ZNF587B: variants seen among roughly 807,000 people sequenced by gnomAD.
ZNF587B encodes the protein zinc finger protein 587B.
In ZNF587B, 6 loss-of-function variants were observed where a neutral mutation model predicts 7.2. That is an observed-to-expected ratio of 0.83 (90% CI 0.46 to 1.65). The LOEUF is 1.65. ZNF587B is among the 40% of genes most tolerant of loss of function. The pLI, the probability that ZNF587B is intolerant of heterozygous loss-of-function variation, is 0.01. For missense variants in ZNF587B, 749 were observed against 761.0 expected (o/e 0.98, Z 0.19); for synonymous variants, 274 against 254.3 (o/e 1.08, Z -0.74).
rs1364080124 is a variant in ZNF587B at position 57,843,120 on chromosome 19, A to T, written c.*544A>T. 1.7e-6 allele frequency: 1 copy of T among 592,276 alleles called. No individual in the cohort carries two copies. The highest frequency in any genetic ancestry group is 2.1e-6 in the Non-Finnish European group (1 of 471,308). The allele number at this position is 592,276 out of a possible 1,614,324, so 36.7% of individuals were successfully genotyped here. On this transcript the variant is annotated 3_prime_UTR_variant, in exon 3 of 3. Coordinates refer to ENST00000594901, the MANE Select transcript of ZNF587B (RefSeq NM_001376223.1). ...AAGTGATCTTCCCACCTTAGCCTCC[A>T]TGTAGCTGGGTCCACAGGCATGCAC... is the stretch of plus-strand genomic sequence containing the variant.
rs1033767624 is a variant in ZNF587B, at chr19:57,844,930, C to G, written c.*2354C>G. On this transcript the variant is annotated 3_prime_UTR_variant, in exon 3 of 3. Transcript: ENST00000594901. Reference sequence around the variant, plus strand: ...TTATAATTTTATGGTTACTTAGTTACTGCATTTATAGTCAGCAGAGGGGAC... The same window carrying G: ...TTATAATTTTATGGTTACTTAGTTAGTGCATTTATAGTCAGCAGAGGGGAC... 1 of 151,912 alleles carries G rather than the reference C, an allele frequency of 6.6e-6. No homozygotes were observed. The highest frequency in any genetic ancestry group is 1.5e-5 in the Non-Finnish European group (1 of 68,008). The allele number at this position is 151,912 out of a possible 1,614,324, so 9.4% of individuals were successfully genotyped here. A position where few individuals can be genotyped will look rare whatever the true frequency, so the allele number is the denominator to read the frequency against.
In ZNF587B at chr19:57,843,439, G is replaced by T. The variant is rs189404579; in HGVS notation, c.*863G>T. The stretch of plus-strand genomic sequence containing the variant: ...GACTTATGTGACTGCCACTTATCTG[G>T]CAAAAGCCATTACATCTCAGCTACT... On this transcript the variant is annotated 3_prime_UTR_variant, in exon 3 of 3. Transcript: ENST00000594901. 1.1e-4 allele frequency: 104 copies of T among 985,186 alleles called. 2 individuals carry two copies. The East Asian group carries it at 9.8e-3, about 93-fold the overall frequency. The allele number at this position is 985,186 out of a possible 1,614,324, so 61.0% of individuals were successfully genotyped here. A position where few individuals can be genotyped will look rare whatever the true frequency, so the allele number is the denominator to read the frequency against.
intron 1 of ZNF587B, among the ~76,000 whole-genome samples, chr19:57,837,253 T>C (rs1988652378): frequency 6.6e-6 from 1 of 151,614 alleles, no homozygotes; most frequent in Admixed American, 6.6e-5. Context: ...TGTTAATATA[T>C]GTGATACCTT....
Position 57,843,025 on chromosome 19 carries a change from T to G in ZNF587B, c.*449T>G. The G allele has an allele frequency of 2.1e-6, 2 of 957,530 alleles. No homozygotes were observed. Among genetic ancestry groups the G allele is most frequent in the South Asian group, 4.8e-5 (1 of 20,698 alleles). 59.3% of individuals were successfully genotyped at this position (957,530 alleles called of 1,614,324 possible). A position where few individuals can be genotyped will look rare whatever the true frequency, so the allele number is the denominator to read the frequency against. ...TTTTCCTTTTTTTGGAGAGACGGTC[T>G]CACTCCATCACCCATGCTGGTGTGC... On this transcript the variant is annotated 3_prime_UTR_variant, in exon 3 of 3. Transcript: ENST00000594901.
intron 1 of ZNF587B, among the ~76,000 whole-genome samples, chr19:57,837,982 C>T (rs1320792704): frequency 6.6e-6 from 1 of 152,020 alleles, no homozygotes; most frequent in East Asian, 1.9e-4. Flanking sequence ...AGATTTCAAC[C>T]CACACTAGTA....
At chr19:57,839,219 G>A (rs1374037791) in intron 2 of ZNF587B, 70 bp downstream of exon 2, 14 of 1,592,130 alleles carry the variant, frequency 8.8e-6, no homozygotes, top group Admixed American at 7.0e-5. Flanking sequence ...CCATTGGCAA[G>A]ACTTTCTCAT....
At chr19:57,837,642 G>T (rs889122268) in intron 1 of ZNF587B, among the ~76,000 whole-genome samples, 1 of 152,008 alleles carries the variant, frequency 6.6e-6, no homozygotes, top group African/African-American at 2.4e-5. Flanking sequence ...TAGAGACGGG[G>T]TTTCACCGTG....
rs1304573855 is a variant in ZNF587B, at chr19:57,843,667, T to A, written c.*1091T>A. On this transcript the variant is annotated 3_prime_UTR_variant, in exon 3 of 3. Transcript: ENST00000594901. ...CCGATACTGGAGTGCAGTGGTGTGA[T>A]CCTGGTTCATTGCAACCTCTGCCTC... 2.8e-6 allele frequency: 2 copies of A among 722,078 alleles called. No individual in the cohort carries two copies. The highest frequency in any genetic ancestry group is 4.0e-5 in the African/African-American group (2 of 49,994). The allele number at this position is 722,078 out of a possible 1,614,324, so 44.7% of individuals were successfully genotyped here. A position where few individuals can be genotyped will look rare whatever the true frequency, so the allele number is the denominator to read the frequency against.
In ZNF587B at chr19:57,844,360, G is replaced by A. The variant is rs762773514; in HGVS notation, c.*1784G>A. 9.3e-5 allele frequency: 26 copies of A among 280,328 alleles called. No individual in the cohort carries two copies. Among genetic ancestry groups the A allele is most frequent in the South Asian group, 6.0e-4 (23 of 38,354 alleles). 17.4% of individuals were successfully genotyped at this position (280,328 alleles called of 1,614,324 possible). On this transcript the variant is annotated 3_prime_UTR_variant, in exon 3 of 3. Transcript: ENST00000594901. ...TCTTCTAAAAATATAAAAATTAGCC[G>A]GGCATGGTGGCGCACCTGTAGCCGC...
In ZNF587B at chr19:57,842,539, G is replaced by A. The variant is rs759087748; in HGVS notation, c.1865G>A (p.Arg622His). 83 of 1,543,702 alleles carry A rather than the reference G, an allele frequency of 5.4e-5. No individual in the cohort carries two copies. In the African/African-American group the frequency reaches 7.5e-4, roughly 14 times the overall value. ...EKKFRKSSSLRYHQRVHERKA... is the reference protein window; with the variant it reads ...EKKFRKSSSLHYHQRVHERKA... ...AAATTTAGGAAAAGCTCTTCACTTCGTTACCATCAGAGAGTTCATGAAAGA... is the reference window on the plus strand; with the variant it reads ...AAATTTAGGAAAAGCTCTTCACTTCATTACCATCAGAGAGTTCATGAAAGA... The change falls in exon 3 of 3, where the codon CGT becomes CAT. Residue 622 changes from arginine (R) to histidine (H), a missense_variant. By Grantham distance (29) the Arg-to-His change is conservative. Transcript: ENST00000594901.
In ZNF587B at chr19:57,839,169, C is replaced by G. The variant is rs1483948119; in HGVS notation, c.163+20C>G. The G allele has an allele frequency of 1.9e-6, 3 of 1,613,698 alleles. No individual in the cohort carries two copies. Among genetic ancestry groups the G allele is most frequent in the Non-Finnish European group, 2.5e-6 (3 of 1,179,768 alleles). On this transcript the variant is annotated intron_variant, in intron 2 of 2. Transcript: ENST00000594901. ...CCCTGGGTAAGTTGCTCACACTCAC[C>G]CTGTGACTTGAGCTAGTCTCTGTTT...
rs1988325523 is a variant in ZNF587B, at chr19:57,830,370, AG to A, written c.-157del. On this transcript the variant is annotated 5_prime_UTR_variant, in exon 1 of 3. Transcript: ENST00000594901. ...CGGCACTGCGGTGACTGAACCCAGA[AG>A]GCGGAGAACAGTTGTCCTCTGCTGC... 1.0e-5 allele frequency: 7 copies of A among 697,742 alleles called. No individual in the cohort carries two copies. Among genetic ancestry groups the A allele is most frequent in the South Asian group, 5.7e-5 (3 of 52,814 alleles). 43.2% of individuals were successfully genotyped at this position (697,742 alleles called of 1,614,324 possible).
rs61730196 is a variant in ZNF587B, at chr19:57,842,237, A to T, written c.1563A>T (p.Pro521=). 0.016 allele frequency: 25,243 copies of T among 1,613,468 alleles called. 504 individuals carry two copies. The highest frequency in any genetic ancestry group is 0.095 in the African/African-American group (7,133 of 74,994). ...AGAGAGTTCACACTGGAGAAAGGCC[A>T]TATGAATGCAGTGATTGTGGGAAGT... ...AHQRVHTGER[P]YECSDCGKSF... The change falls in exon 3 of 3, where the codon CCA becomes CCT. Residue 521 remains proline, a synonymous_variant. Transcript: ENST00000594901.
At chr19:57,838,689 A>G (rs1205022128) in intron 1 of ZNF587B, among the ~76,000 whole-genome samples, 3 of 152,140 alleles carry the variant, frequency 2.0e-5, no homozygotes, top group Non-Finnish European at 2.9e-5. Flanking sequence ...GGGGATGGAC[A>G]TGGAATGTAC....
In ZNF587B at chr19:57,841,708, A is replaced by G; in HGVS notation, c.1034A>G (p.Gln345Arg). The G allele has an allele frequency of 6.2e-7, 1 of 1,607,234 alleles. No homozygotes were observed. Among genetic ancestry groups the G allele is most frequent in the African/African-American group, 1.3e-5 (1 of 74,890 alleles). The change falls in exon 3 of 3, where the codon CAG (glutamine) becomes CGG (arginine). Residue 345 changes from glutamine (Q) to arginine (R), a missense_variant. By Grantham distance (43) the Gln-to-Arg change is conservative. Transcript: ENST00000594901. ...FSSNVNLKSHQRIHTGERPYK... is the reference protein window; with the variant it reads ...FSSNVNLKSHRRIHTGERPYK... ...TCAAACGTGAACCTTAAGAGTCATC[A>G]GCGCATTCACACTGGAGAGAGACCT...
In ZNF587B at chr19:57,830,391, T is replaced by C. The variant is rs1185317744; in HGVS notation, c.-138T>C. On this transcript the variant is annotated 5_prime_UTR_variant, in exon 1 of 3. Coordinates refer to ENST00000594901, the MANE Select transcript of ZNF587B (RefSeq NM_001376223.1). ...CAGAAGGCGGAGAACAGTTGTCCTC[T>C]GCTGCACAGAGGCGACTCTGGAGCT... 1.6e-5 allele frequency: 14 copies of C among 882,862 alleles called. No homozygotes were observed. Among genetic ancestry groups the C allele is most frequent in the African/African-American group, 6.6e-5 (4 of 60,258 alleles). The allele number at this position is 882,862 out of a possible 1,614,324, so 54.7% of individuals were successfully genotyped here. A position where few individuals can be genotyped will look rare whatever the true frequency, so the allele number is the denominator to read the frequency against.
At chr19:57,832,365 G>A (rs1234375634) in intron 1 of ZNF587B, among the ~76,000 whole-genome samples, 2 of 152,234 alleles carry the variant, frequency 1.3e-5, no homozygotes, top group South Asian at 2.1e-4. Context: ...GATTACAGGC[G>A]TGAGCCACTG....
In ZNF587B at chr19:57,830,512, T is replaced by G. The variant is rs1005068340; in HGVS notation, c.-17T>G. ...GTCACCCTCTCCTCCCAACCCTGCT[T>G]TAAACCACGTGGTTCGATGGCGGTG... is the stretch of plus-strand genomic sequence containing the variant. On this transcript the variant is annotated 5_prime_UTR_variant, in exon 1 of 3. Coordinates refer to ENST00000594901, the MANE Select transcript of ZNF587B (RefSeq NM_001376223.1). 6.5e-7 allele frequency: 1 copy of G among 1,549,254 alleles called. No individual in the cohort carries two copies. Among genetic ancestry groups the G allele is most frequent in the Admixed American group, 2.0e-5 (1 of 50,992 alleles).
Position 57,843,213 on chromosome 19 carries a change from A to G in ZNF587B, c.*637A>G, listed in dbSNP as rs1218857541. The G allele has an allele frequency of 1.2e-6, 1 of 819,234 alleles. No individual in the cohort carries two copies. The highest frequency in any genetic ancestry group is 1.9e-5 in the African/African-American group (1 of 53,790). 50.7% of individuals were successfully genotyped at this position (819,234 alleles called of 1,614,324 possible). A position where few individuals can be genotyped will look rare whatever the true frequency, so the allele number is the denominator to read the frequency against. ...TTACCATGTTTCCAGGCTGGTATCG[A>G]ACTCCTGAGCTCAAGCAATCTGTAC... On this transcript the variant is annotated 3_prime_UTR_variant, in exon 3 of 3. Transcript: ENST00000594901.
Sources: gnomAD v4.1 joint callset for allele counts (sites outside exome capture counted in the v4.1 genomes callset) on GRCh38, gnomAD v4.1.1 for gene constraint, MANE v1.5 for transcripts, NCBI Gene and HGNC (gene_info 2026-07-23, HGNC 2026-07-21) for gene names.